Variants in VPS11 observed in about 807,000 individuals in gnomAD.
VPS11 encodes vacuolar protein sorting-associated protein 11 homolog.
Under a neutral mutation model 106.8 loss-of-function variants are expected in VPS11, and 51 were observed. The ratio of observed to expected loss-of-function variants is 0.48; its 90% CI spans 0.38 to 0.60. The LOEUF (loss-of-function observed/expected upper bound fraction) is 0.60. Among genes scored for constraint, VPS11 ranks in the 20% least tolerant of loss-of-function variants. The pLI is 0.00. For missense variants in VPS11, 950 were observed against 1,190.0 expected (o/e 0.80, Z 2.97); for synonymous variants, 453 against 458.7 (o/e 0.99, Z 0.16).
intron 11 of VPS11, 78 bp from the exon 12 acceptor site, chr11:119,078,487 A>G: frequency 6.3e-7 from 1 of 1,584,586 alleles, no homozygotes. Flanking sequence ...ACTGAGGGAA[A>G]GAGTTGACTG....
chr11:119,076,100 C>T (rs1243547964), intron 7 of VPS11, among the ~76,000 whole-genome samples: 1 of 152,044 alleles, frequency 6.6e-6, no homozygotes, highest in Non-Finnish European at 1.5e-5. Context: ...GTGGCATGCA[C>T]CTGTAGTCCC....
In VPS11 at chr11:119,069,278, G is replaced by C; in HGVS notation, c.270G>C (p.Leu90=). 2 of 1,613,988 alleles carry C rather than the reference G, an allele frequency of 1.2e-6. No homozygotes were observed. Among genetic ancestry groups the C allele is most frequent in the Non-Finnish European group, 1.7e-6 (2 of 1,179,892 alleles). ...FQAYKLRVTH[L]YQLKQHNILA... The stretch of plus-strand genomic sequence containing the variant: ...CCTACAAACTACGGGTGACACACCT[G>C]TACCAACTGAAGCAGCACAATATTC... Residue 90 remains leucine (L), a synonymous_variant, in exon 2 of 16, where the codon CTG becomes CTC. Coordinates refer to ENST00000621676, the MANE Select transcript of VPS11 (RefSeq NM_021729.6).
chr11:119,070,638 CTG>C (rs1945346162), intron 4 of VPS11: 2 of 294,676 alleles, frequency 6.8e-6, no homozygotes, highest in Non-Finnish European at 1.3e-5. Context: ...CCGAGTCTCA[CTG>C]TGTTGCTCAG....
In VPS11 at chr11:119,081,742, G is replaced by A. The variant is rs1945860690; in HGVS notation, c.*119G>A. On this transcript the variant is annotated 3_prime_UTR_variant, in exon 16 of 16. Coordinates refer to ENST00000621676, the MANE Select transcript of VPS11 (RefSeq NM_021729.6). ...GCCCAGGGCTCCACTCTCATCTAATGTCACAGCCCTCAGAACTAAAGCGGA... is the reference window on the plus strand; with the variant it reads ...GCCCAGGGCTCCACTCTCATCTAATATCACAGCCCTCAGAACTAAAGCGGA... 2.2e-6 allele frequency: 3 copies of A among 1,337,690 alleles called. No individual in the cohort carries two copies. The highest frequency in any genetic ancestry group is 2.9e-5 in the South Asian group (2 of 68,568). 82.9% of individuals were successfully genotyped at this position (1,337,690 alleles called of 1,614,324 possible). A position where few individuals can be genotyped will look rare whatever the true frequency, so the allele number is the denominator to read the frequency against.
At position 119,081,180 on chromosome 11, in the gene VPS11, C is replaced by T. The variant is rs781971051; in HGVS notation, c.2527C>T (p.His843Tyr). The change falls in exon 15 of 16, where the codon CAC becomes TAC. Residue 843 changes from histidine to tyrosine, a missense_variant. By Grantham distance (83) the His-to-Tyr change is moderately conservative. Around this residue, in one of 3 missense-constraint regions of VPS11, gnomAD observed 453 missense variants for 514.6 expected, o/e 0.88. Coordinates refer to ENST00000621676, the MANE Select transcript of VPS11 (RefSeq NM_021729.6). ...CCACTTCCTGTGTGGCCACTCCTTC[C>T]ACCAACACTGCTTTGAGAGTTACTC... ...SVHFLCGHSF[H>Y]QHCFESYSES... is the part of the protein sequence containing the mutation. The T allele has an allele frequency of 6.2e-7, 1 of 1,614,024 alleles. No individual in the cohort carries two copies. Among genetic ancestry groups the T allele is most frequent in the Admixed American group, 1.7e-5 (1 of 60,016 alleles).
At chr11:119,079,696 C>T (rs1029659920) in intron 14 of VPS11, among the ~76,000 whole-genome samples, 4 of 152,206 alleles carry the variant, frequency 2.6e-5, no homozygotes, top group Non-Finnish European at 4.4e-5. Flanking sequence ...CCGCCTCAGC[C>T]TCCCAAGTAG....
intron 11 of VPS11, 84 bp from the exon 12 acceptor site, chr11:119,078,481 A>C: frequency 6.3e-7 from 1 of 1,581,610 alleles, no homozygotes. Context: ...GAATGGACTG[A>C]GGGAAAGAGT....
Position 119,081,673 on chromosome 11 carries a change from A to G in VPS11, c.*50A>G. On this transcript the variant is annotated 3_prime_UTR_variant, in exon 16 of 16. Transcript: ENST00000621676. ...ACAGTGGAGGACCAAGAGAACAGACACAATGGGACCTGGGCGGGCGTTACA... is the reference window on the plus strand; with the variant it reads ...ACAGTGGAGGACCAAGAGAACAGACGCAATGGGACCTGGGCGGGCGTTACA... 1.9e-6 allele frequency: 3 copies of G among 1,600,710 alleles called. No individual in the cohort carries two copies. Among genetic ancestry groups the G allele is most frequent in the Non-Finnish European group, 2.6e-6 (3 of 1,172,528 alleles).
intron 1 of VPS11, 150 bp from the exon 2 acceptor site, chr11:119,069,046 C>T (rs1945261309): frequency 2.2e-6 from 1 of 452,466 alleles, no homozygotes; most frequent in Non-Finnish European, 3.4e-6. Flanking sequence ...AGGTGTGAGT[C>T]ACCGCGCCTG....
rs376322700 is a variant in VPS11 at position 119,073,908 on chromosome 11, T to C, written c.1195T>C (p.Tyr399His). The part of the protein sequence containing the change: ...QIFMQYGDHL[Y>H]SKGNHDGAVQ... ...TTTCATGCAGTATGGAGACCATCTCTACAGCAAGGGCAACCACGATGGGGC... is the reference window on the plus strand; with the variant it reads ...TTTCATGCAGTATGGAGACCATCTCCACAGCAAGGGCAACCACGATGGGGC... Residue 399 changes from tyrosine to histidine, a missense_variant, in exon 7 of 16, where the codon TAC (tyrosine) becomes CAC (histidine). Tyr to His is a moderately conservative substitution (Grantham distance 83, BLOSUM62 2). Transcript: ENST00000621676. 3.0e-5 allele frequency: 49 copies of C among 1,613,596 alleles called. No individual in the cohort carries two copies. In the African/African-American group the frequency reaches 5.7e-4, roughly 19 times the overall value.
At position 119,078,285 on chromosome 11, in the gene VPS11, C is replaced by T; in HGVS notation, c.1874C>T (p.Thr625Ile). The T allele has an allele frequency of 6.2e-7, 1 of 1,613,338 alleles. No individual in the cohort carries two copies. Among genetic ancestry groups the T allele is most frequent in the Middle Eastern group, 1.7e-4 (1 of 6,060 alleles). The change falls in exon 11 of 16, where the codon ACA becomes ATA. Residue 625 changes from threonine to isoleucine, a missense_variant. Coordinates refer to ENST00000621676, the MANE Select transcript of VPS11 (RefSeq NM_021729.6). Reference protein sequence around the residue: ...QPDSPQGIYDTLLELRLQNWA... With the variant: ...QPDSPQGIYDILLELRLQNWA... The stretch of plus-strand genomic sequence containing the variant: ...GACTCACCCCAGGGGATCTACGACA[C>T]ACTCCTTGAGCTGCGACTGCAGAAC...
chr11:119,068,178 C>A (rs1945194943), intron 1 of VPS11, 168 bp downstream of exon 1: 1 of 746,266 alleles, frequency 1.3e-6, no homozygotes, highest in Non-Finnish European at 2.1e-6. Flanking sequence ...CATCTCCTAA[C>A]TTGTTATCAA....
rs149121697 is a variant in VPS11, at chr11:119,081,508, G to A, written c.2711G>A (p.Arg904Lys). 4.5e-4 allele frequency: 722 copies of A among 1,614,024 alleles called. 9 individuals carry two copies. The East Asian group carries it at 0.016, about 35-fold the overall frequency. The change falls in exon 16 of 16, where the codon AGA (arginine) becomes AAA (lysine). Residue 904 changes from arginine (R) to lysine (K), a missense_variant. Physicochemically the swap from Arg to Lys is conservative, Grantham distance 26. This residue lies in a region of VPS11 where 453 missense variants were observed against 514.6 expected (regional missense o/e 0.88). Coordinates refer to ENST00000621676, the MANE Select transcript of VPS11 (RefSeq NM_021729.6). Reference protein sequence around the residue: ...SFSVIADYFGRGVFNKLTLLT... With the variant: ...SFSVIADYFGKGVFNKLTLLT... Reference sequence around the variant, plus strand: ...TCTGTGATTGCTGACTACTTTGGCAGAGGTGTTTTCAACAAATTGACTCTG... The same window carrying A: ...TCTGTGATTGCTGACTACTTTGGCAAAGGTGTTTTCAACAAATTGACTCTG...
intron 7 of VPS11, 196 bp from the exon 8 acceptor site, chr11:119,076,701 T>C: frequency 1.6e-6 from 1 of 614,520 alleles, no homozygotes; most frequent in African/African-American, 1.8e-5. Flanking sequence ...CTCTGGAGCC[T>C]TGTTACCCAG....
At position 119,079,244 on chromosome 11, in the gene VPS11, G is replaced by A; in HGVS notation, c.2382G>A (p.Arg794=). ...QQIAQDELRV[R]RYREETTRIR... ...TTGCACAGGATGAGCTGCGGGTGCG[G>A]CGGTACCGAGAGGAGACCACCCGTA... The change falls in exon 14 of 16, where the codon CGG becomes CGA. Residue 794 remains arginine, a synonymous_variant. Transcript: ENST00000621676. 1.2e-6 allele frequency: 2 copies of A among 1,608,450 alleles called. No individual in the cohort carries two copies. The highest frequency in any genetic ancestry group is 1.7e-6 in the Non-Finnish European group (2 of 1,177,468).
At chr11:119,077,448 C>T in intron 8 of VPS11, 53 bp from the exon 9 acceptor site, 9 of 1,582,766 alleles carry the variant, frequency 5.7e-6, no homozygotes, top group Non-Finnish European at 7.7e-6. Flanking sequence ...TGTTTCCTCT[C>T]CCTTCTCTAT....
chr11:119,077,905 G>A lies in VPS11; in HGVS notation c.1600G>A (p.Gly534Ser), dbSNP rs782532693. ...KNYQEALRYI[G>S]KLPFEQAESN... is the part of the protein sequence containing the mutation. The stretch of plus-strand genomic sequence containing the variant: ...TTATCAGGAAGCCCTTCGATACATC[G>A]GCAAGCTGCCTTTTGAGCAGGCAGA... The change falls in exon 10 of 16, where the codon GGC becomes AGC. Residue 534 changes from glycine to serine, a missense_variant. By Grantham distance (56) the Gly-to-Ser change is moderately conservative. Coordinates refer to ENST00000621676, the MANE Select transcript of VPS11 (RefSeq NM_021729.6). 59 of 1,613,886 alleles carry A rather than the reference G, an allele frequency of 3.7e-5. No individual in the cohort carries two copies. The highest frequency in any genetic ancestry group is 4.7e-5 in the Non-Finnish European group (56 of 1,179,902).
At chr11:119,073,028 T>C in intron 5 of VPS11, 170 bp from the exon 6 acceptor site, 2 of 691,984 alleles carry the variant, frequency 2.9e-6, no homozygotes, top group South Asian at 1.9e-5. Flanking sequence ...ATCAGGTTTA[T>C]GTGTTCTCTA....
rs1382592237 is a variant in VPS11 at position 119,069,428 on chromosome 11, A to T, written c.337-14A>T. 2.5e-6 allele frequency: 4 copies of T among 1,613,830 alleles called. No homozygotes were observed. The African/African-American group carries it at 5.3e-5, about 22-fold the overall frequency. On this transcript the variant is annotated splice_polypyrimidine_tract_variant and intron_variant, in intron 2 of 15. Coordinates refer to ENST00000621676, the MANE Select transcript of VPS11 (RefSeq NM_021729.6). ...AGGATGACTAGCATTTACACTTCTG[A>T]GGTCTGTCCACAGGTTAAGATCTGG... is the stretch of plus-strand genomic sequence containing the variant.
Sources: allele counts gnomAD v4.1 joint callset (sites outside exome capture counted in the v4.1 genomes callset), GRCh38; gene constraint gnomAD v4.1.1; regional missense constraint gnomAD v4.1.1; transcripts MANE v1.5; gene names NCBI Gene and HGNC (gene_info 2026-07-23, HGNC 2026-07-21).